The following RBFOX1 variants were observed in gnomAD, a reference collection of about 807,000 sequenced individuals.
RBFOX1 encodes the protein RNA binding fox-1 homolog 1.
RBFOX1 carries 8 observed loss-of-function variants against 57.7 expected under a neutral mutation model. That is an observed-to-expected ratio of 0.14 (90% CI 0.08 to 0.25). The LOEUF (loss-of-function observed/expected upper bound fraction) is 0.25. Ranked by LOEUF, RBFOX1 falls within the 10% of genes least tolerant of loss-of-function variation. The probability of loss-of-function intolerance (pLI) is 1.00; values close to 1 mark genes in which losing one functional copy is unlikely to be tolerated. For synonymous variants in RBFOX1, 326 were observed against 222.4 expected, an observed-to-expected ratio of 1.47 and a Z score of -4.15; for missense variants, 611 against 548.5, an observed-to-expected ratio of 1.11 and a Z score of -1.14.
At chr16:5,528,583 G>T (rs115057960) in intron 2 of RBFOX1, among the ~76,000 whole-genome samples, 1 of 124,124 alleles carries the variant, frequency 8.1e-6, no homozygotes, top group Non-Finnish European at 1.6e-5. Context: ...CTTCTTGTCC[G>T]ATCCCCAATT....
intron 4 of RBFOX1, among the ~76,000 whole-genome samples, chr16:7,272,667 G>GC (rs902697041): frequency 8.6e-6 from 1 of 116,644 alleles, no homozygotes; most frequent in Non-Finnish European, 1.7e-5. Flanking sequence ...TATCTGAGAA[G>GC]GGGGAGGGAT....
chr16:6,596,848 A>C (rs750986350), intron 2 of RBFOX1, among the ~76,000 whole-genome samples: 14 of 152,194 alleles, frequency 9.2e-5, no homozygotes, highest in African/African-American at 3.4e-4. Context: ...TGATAGTTCT[A>C]TATAGTGCTA....
At chr16:7,518,730 A>C (rs1466644254) in intron 5 of RBFOX1, among the ~76,000 whole-genome samples, 2 of 152,130 alleles carry the variant, frequency 1.3e-5, no homozygotes, top group Non-Finnish European at 2.9e-5. Flanking sequence ...TTTTTCTTCA[A>C]GTCTTACGGA....
At position 6,486,757 on chromosome 16, in the gene RBFOX1, G is replaced by A. The variant is rs74607170; in HGVS notation, c.-63-167846G>A. Among the ~76,000 whole-genome samples the A allele has an allele frequency of 6.0e-3, 907 of 151,812 alleles. 6 individuals carry two copies. Among genetic ancestry groups the A allele is most frequent in the East Asian group, 0.025 (129 of 5,160 alleles). On this transcript the variant is annotated intron_variant, in intron 2 of 15. Coordinates refer to ENST00000550418, the MANE Select transcript of RBFOX1 (RefSeq NM_018723.4). ...TCTTTGTTTGCATTTATGGGTATGC[G>A]TTTTTGCTCTTTTTGTTTTCTTTCA... is the stretch of plus-strand genomic sequence containing the variant.
chr16:7,334,486 C>G (rs1229992693), intron 4 of RBFOX1, among the ~76,000 whole-genome samples: 1 of 152,142 alleles, frequency 6.6e-6, no homozygotes, highest in Non-Finnish European at 1.5e-5. Context: ...GCCGACCCAT[C>G]TGATAAATAA....
chr16:5,814,626 C>A (rs187825027), intron 3 of RBFOX1, among the ~76,000 whole-genome samples: 2 of 152,286 alleles, frequency 1.3e-5, no homozygotes, highest in Non-Finnish European at 2.9e-5. Context: ...TGCCACCTGG[C>A]CATTTAAAAA....
intron 3 of RBFOX1, among the ~76,000 whole-genome samples, chr16:6,676,833 T>A (rs2057798575): frequency 2.0e-5 from 3 of 151,644 alleles, no homozygotes; most frequent in Admixed American, 2.0e-4. Context: ...CCGCCACCAC[T>A]CCCAGCTAAT....
intron 3 of RBFOX1, among the ~76,000 whole-genome samples, chr16:6,975,562 T>G (rs940457411): frequency 6.6e-6 from 1 of 152,076 alleles, no homozygotes; most frequent in South Asian, 2.1e-4. Flanking sequence ...CCACTGCACC[T>G]GGCCGCAAGT....
chr16:6,636,410 T>C (rs192741115), intron 2 of RBFOX1, among the ~76,000 whole-genome samples: 1 of 152,178 alleles, frequency 6.6e-6, no homozygotes, highest in Non-Finnish European at 1.5e-5. Flanking sequence ...GACTTCGTGA[T>C]CAGCCCGGCT....
chr16:6,341,779 G>A (rs2084616982), intron 2 of RBFOX1, among the ~76,000 whole-genome samples: 1 of 151,960 alleles, frequency 6.6e-6, no homozygotes, highest in African/African-American at 2.4e-5. Context: ...AAATAAACTT[G>A]CTTTTGGTTT....
chr16:5,464,385 A>G (rs2068889856), intron 1 of RBFOX1, among the ~76,000 whole-genome samples: 1 of 152,184 alleles, frequency 6.6e-6, no homozygotes, highest in African/African-American at 2.4e-5. Context: ...AGGCATAGAG[A>G]AAGGAGGAAA....
intron 1 of RBFOX1, among the ~76,000 whole-genome samples, chr16:6,142,853 C>T (rs888212923): frequency 6.6e-6 from 1 of 152,172 alleles, no homozygotes; most frequent in Admixed American, 6.6e-5. Flanking sequence ...TCATTCAAGA[C>T]TCAACTCATT....
chr16:6,041,717 G>T (rs749203538), intron 1 of RBFOX1, among the ~76,000 whole-genome samples: 5 of 152,110 alleles, frequency 3.3e-5, no homozygotes, highest in Non-Finnish European at 7.4e-5. Flanking sequence ...AGATTCAGGG[G>T]ACAAGGTCTG....
intron 3 of RBFOX1, among the ~76,000 whole-genome samples, chr16:7,035,133 C>T (rs1333719379): frequency 6.6e-6 from 1 of 151,884 alleles, no homozygotes; most frequent in Non-Finnish European, 1.5e-5. Flanking sequence ...CAGGTGTGAG[C>T]CGCTGCACCG....
chr16:6,085,185 C>T (rs2096065979), intron 1 of RBFOX1, among the ~76,000 whole-genome samples: 1 of 152,198 alleles, frequency 6.6e-6, no homozygotes, highest in Non-Finnish European at 1.5e-5. Context: ...ACCTCTCCTC[C>T]TGGCAAGACT....
chr16:5,914,867 C>T (rs989295559), intron 4 of RBFOX1, among the ~76,000 whole-genome samples: 6 of 151,976 alleles, frequency 3.9e-5, no homozygotes, highest in South Asian at 2.1e-4. Context: ...TGCACTCCAG[C>T]CTAGGCGACA....
intron 1 of RBFOX1, among the ~76,000 whole-genome samples, chr16:6,148,932 C>G (rs1237773784): frequency 6.6e-6 from 1 of 151,858 alleles, no homozygotes; most frequent in Non-Finnish European, 1.5e-5. Flanking sequence ...GAAATTTTTT[C>G]ATTAAAAAAT....
rs554629820 is a variant in RBFOX1, at chr16:6,086,551, A to C, written c.-127+66559A>C. Among the ~76,000 whole-genome samples, 3 of 152,272 alleles carry C rather than the reference A, an allele frequency of 2.0e-5. No individual in the cohort carries two copies. The East Asian group carries it at 5.8e-4, about 29-fold the overall frequency. On this transcript the variant is annotated intron_variant, in intron 1 of 15. Transcript: ENST00000550418. ...AAACATAAACCAGCAGTGAACGAAG[A>C]ATCTTTAGTACCTGACGTGAAATGG...
chr16:7,345,593 T>C (rs1375747825), intron 4 of RBFOX1, among the ~76,000 whole-genome samples: 1 of 152,096 alleles, frequency 6.6e-6, no homozygotes, highest in Non-Finnish European at 1.5e-5. Flanking sequence ...TGTTCACCCA[T>C]CATACAGAAC....
Sources: allele counts gnomAD v4.1 joint callset (sites outside exome capture counted in the v4.1 genomes callset), GRCh38; gene constraint gnomAD v4.1.1; transcripts MANE v1.5; gene names NCBI Gene and HGNC (gene_info 2026-07-23, HGNC 2026-07-21).